The following KHDRBS2 variants were observed in gnomAD, a reference collection of about 807,000 sequenced individuals.
KHDRBS2 encodes KH RNA binding domain containing, signal transduction associated 2.
Under a neutral mutation model 44.3 loss-of-function variants are expected in KHDRBS2, and 26 were observed. The observed-to-expected ratio is 0.59, with a 90% CI of 0.43 to 0.81. The LOEUF (loss-of-function observed/expected upper bound fraction) is 0.81. Ranked by LOEUF, KHDRBS2 falls within the 40% of genes least tolerant of loss-of-function variation. KHDRBS2 has a pLI of 0.00. For missense variants in KHDRBS2, 476 were observed against 433.1 expected, an observed-to-expected ratio of 1.10 and a Z score of -0.88; for synonymous variants, 194 against 151.1, an observed-to-expected ratio of 1.28 and a Z score of -2.08.
At chr6:61,915,079 G>A (rs1806756836) in intron 4 of KHDRBS2, among the ~76,000 whole-genome samples, 1 of 152,062 alleles carries the variant, frequency 6.6e-6, no homozygotes, top group African/African-American at 2.4e-5. Flanking sequence ...GTAGAAGGGT[G>A]TGTAGATGGA....
In KHDRBS2 at chr6:61,680,230, C is replaced by G. The variant is rs1561961488; in HGVS notation, c.*733G>C. On this transcript the variant is annotated 3_prime_UTR_variant, in exon 9 of 9. Transcript: ENST00000281156. ...TTTAAAGCTAGAAAACAAGTAATTC[C>G]AAATTTAATTTTTACAAAAGTTTTC... The G allele has an allele frequency of 1.3e-5, 2 of 152,088 alleles. No individual in the cohort carries two copies. The highest frequency in any genetic ancestry group is 2.4e-5 in the African/African-American group (1 of 41,326). 9.4% of individuals were successfully genotyped at this position (152,088 alleles called of 1,614,324 possible). A position where few individuals can be genotyped will look rare whatever the true frequency, so the allele number is the denominator to read the frequency against.
At chr6:61,855,937 C>T in intron 6 of KHDRBS2, among the ~76,000 whole-genome samples, 1 of 151,992 alleles carries the variant, frequency 6.6e-6, no homozygotes, top group East Asian at 1.9e-4. Flanking sequence ...TTGGGATCTC[C>T]TCTTAATAAA....
At chr6:62,227,297 G>A (rs538492300) in intron 1 of KHDRBS2, among the ~76,000 whole-genome samples, 1 of 152,244 alleles carries the variant, frequency 6.6e-6, no homozygotes, top group South Asian at 2.1e-4. Context: ...GTGAATGGGA[G>A]TTGATTCATG....
At chr6:62,101,046 C>A (rs1801764555) in intron 2 of KHDRBS2, among the ~76,000 whole-genome samples, 1 of 152,086 alleles carries the variant, frequency 6.6e-6, no homozygotes, top group Admixed American at 6.5e-5. Context: ...ATTTTAAACT[C>A]TTTTTTACAG....
At chr6:62,077,006 A>C (rs1796475255) in intron 2 of KHDRBS2, among the ~76,000 whole-genome samples, 1 of 151,956 alleles carries the variant, frequency 6.6e-6, no homozygotes, top group Non-Finnish European at 1.5e-5. Flanking sequence ...TGATTCCATC[A>C]CTCTGCTCCA....
intron 6 of KHDRBS2, among the ~76,000 whole-genome samples, chr6:61,789,672 G>A (rs545911748): frequency 2.6e-4 from 39 of 151,486 alleles, no homozygotes; most frequent in African/African-American, 8.9e-4. Context: ...CTGGTTTGTC[G>A]TAATTTATTT....
intron 2 of KHDRBS2, among the ~76,000 whole-genome samples, chr6:62,081,319 G>C (rs551216749): frequency 1.3e-5 from 2 of 152,076 alleles, no homozygotes; most frequent in Non-Finnish European, 2.9e-5. Context: ...TGTAGCTGGA[G>C]GGTCTTGGAA....
chr6:62,182,070 GC>G (rs1822427662), intron 1 of KHDRBS2, among the ~76,000 whole-genome samples: 1 of 151,916 alleles, frequency 6.6e-6, no homozygotes, highest in Non-Finnish European at 1.5e-5. Context: ...CAGGAAATAA[GC>G]CCCCACCAGA....
At chr6:62,212,898 GA>G (rs1829323021) in intron 1 of KHDRBS2, among the ~76,000 whole-genome samples, 1 of 152,082 alleles carries the variant, frequency 6.6e-6, no homozygotes, top group Non-Finnish European at 1.5e-5. Flanking sequence ...GGGAGAGAGG[GA>G]AGGGGGTGCA....
chr6:61,801,571 T>C (rs1303173825), intron 6 of KHDRBS2, among the ~76,000 whole-genome samples: 1 of 152,170 alleles, frequency 6.6e-6, no homozygotes, highest in African/African-American at 2.4e-5. Context: ...TTATTCAATT[T>C]TGTTGCATTT....
At chr6:62,213,878 A>G (rs1829535115) in intron 1 of KHDRBS2, among the ~76,000 whole-genome samples, 1 of 141,634 alleles carries the variant, frequency 7.1e-6, no homozygotes, top group Non-Finnish European at 1.5e-5. Flanking sequence ...CATCTCAAAA[A>G]AAAAAAAAAA....
chr6:61,840,890 A>G (rs1441996486), intron 6 of KHDRBS2, among the ~76,000 whole-genome samples: 1 of 152,148 alleles, frequency 6.6e-6, no homozygotes, highest in Non-Finnish European at 1.5e-5. Flanking sequence ...AATCTTCATA[A>G]ATGGAAATGG....
chr6:62,067,332 C>T (rs1237985271), intron 2 of KHDRBS2, among the ~76,000 whole-genome samples: 1 of 151,440 alleles, frequency 6.6e-6, no homozygotes, highest in Non-Finnish European at 1.5e-5. Context: ...GTTTTTTACA[C>T]CAGTAACAGA....
At chr6:61,583,688 T>C in the KHDRBS2 span, among the ~76,000 whole-genome samples, 7 of 151,726 alleles carry the variant, frequency 4.6e-5, no homozygotes, top group Non-Finnish European at 1.0e-4. Context: ...ATTTAGGCTA[T>C]TCTAGTTCCT....
chr6:62,285,682 T>TG (rs1231210712), intron 1 of KHDRBS2, among the ~76,000 whole-genome samples, 176 bp downstream of exon 1: 2 of 152,176 alleles, frequency 1.3e-5, no homozygotes, highest in Admixed American at 6.5e-5. Flanking sequence ...GAAGGAGCAC[T>TG]GCTGTCCGCC....
intron 6 of KHDRBS2, among the ~76,000 whole-genome samples, chr6:61,744,154 T>C (rs1776554904): frequency 6.6e-6 from 1 of 152,106 alleles, no homozygotes; most frequent in Admixed American, 6.6e-5. Flanking sequence ...TTTAAGTTAA[T>C]AAGCTAGTCT....
chr6:61,797,192 A>C (rs2127587906), intron 6 of KHDRBS2, among the ~76,000 whole-genome samples: 1 of 152,252 alleles, frequency 6.6e-6, no homozygotes, highest in Non-Finnish European at 1.5e-5. Flanking sequence ...TGTTTCACAT[A>C]GCAGTTAGGG....
At chr6:62,277,194 T>C (rs1287690420) in intron 1 of KHDRBS2, among the ~76,000 whole-genome samples, 1 of 152,074 alleles carries the variant, frequency 6.6e-6, no homozygotes, top group African/African-American at 2.4e-5. Flanking sequence ...TACTTATTTA[T>C]ATCATATATG....
At chr6:62,074,481 A>G (rs1205979290) in intron 2 of KHDRBS2, among the ~76,000 whole-genome samples, 2 of 151,616 alleles carry the variant, frequency 1.3e-5, no homozygotes, top group East Asian at 3.9e-4. Context: ...GCCAACCCTC[A>G]CCTCTCATGT....
Sources: allele counts gnomAD v4.1 joint callset (sites outside exome capture counted in the v4.1 genomes callset), GRCh38; gene constraint gnomAD v4.1.1; transcripts MANE v1.5; gene names NCBI Gene and HGNC (gene_info 2026-07-23, HGNC 2026-07-21).